CDC42SE2: variants seen among roughly 807,000 people sequenced by gnomAD.
The protein encoded by CDC42SE2 is CDC42 small effector 2.
Under a neutral mutation model 11.5 loss-of-function variants are expected in CDC42SE2, and 3 were observed. The observed-to-expected ratio is 0.26, with a 90% CI of 0.12 to 0.67. The LOEUF is 0.67. Among genes scored for constraint, CDC42SE2 ranks in the 30% least tolerant of loss-of-function variants. CDC42SE2 has a pLI of 0.80. For missense variants in CDC42SE2, 82 were observed against 106.8 expected (o/e 0.77, Z 1.02); for synonymous variants, 33 against 34.8 (o/e 0.95, Z 0.18).
At chr5:131,240,889 C>G (rs188263472), upstream of CDC42SE2, among the ~76,000 whole-genome samples, 80 of 152,286 alleles carry the variant, frequency 5.3e-4, no homozygotes, top group African/African-American at 1.9e-3. Context: ...ATCGATGATA[C>G]ATTTCTGGTG....
rs566675160 is a variant in CDC42SE2, at chr5:131,383,355, GTT to G, written c.55-2185_55-2184del. 4.1e-3 allele frequency among the ~76,000 whole-genome samples: 625 copies of G among 152,302 alleles called. 3 individuals are homozygous for G. Among genetic ancestry groups the G allele is most frequent in the African/African-American group, 0.013 (541 of 41,562 alleles). The stretch of plus-strand genomic sequence containing the variant: ...TTTATGATACCATTTTAACCTGCAA[GTT>G]TTATGATTCTGTGGAACAGGGCCCC... On this transcript the variant is annotated intron_variant, in intron 3 of 4. Coordinates refer to ENST00000505065, the MANE Select transcript of CDC42SE2 (RefSeq NM_001375635.1).
At chr5:131,367,694 C>T (rs1383576817) in intron 3 of CDC42SE2, among the ~76,000 whole-genome samples, 2 of 152,130 alleles carry the variant, frequency 1.3e-5, no homozygotes, top group Admixed American at 6.6e-5. Flanking sequence ...CTTATTTATT[C>T]ATAGACTTCC....
intron 3 of CDC42SE2, among the ~76,000 whole-genome samples, chr5:131,376,027 T>A (rs1750141572): frequency 1.3e-5 from 2 of 151,994 alleles, no homozygotes; most frequent in Admixed American, 1.3e-4. Context: ...TTAGTTGAGG[T>A]CAGGAGTTCG....
intron 2 of CDC42SE2, among the ~76,000 whole-genome samples, chr5:131,347,021 A>C (rs1019895649): frequency 2.0e-5 from 3 of 152,194 alleles, no homozygotes; most frequent in East Asian, 1.9e-4. Context: ...AATTTATAGC[A>C]CTAAATGCCC....
chr5:131,332,910 C>T (rs192777946), intron 2 of CDC42SE2, among the ~76,000 whole-genome samples: 3 of 152,094 alleles, frequency 2.0e-5, no homozygotes, highest in Non-Finnish European at 2.9e-5. Context: ...TTCTCCCATT[C>T]TGTAGGTTGC....
At chr5:131,378,917 C>CTGG (rs1750234353) in intron 3 of CDC42SE2, among the ~76,000 whole-genome samples, 1 of 152,184 alleles carries the variant, frequency 6.6e-6, no homozygotes, top group Admixed American at 6.5e-5. Context: ...TTATCTGAAG[C>CTGG]TGGTAGTTCA....
chr5:131,365,712 G>A (rs1749831622), intron 3 of CDC42SE2, among the ~76,000 whole-genome samples: 1 of 152,144 alleles, frequency 6.6e-6, no homozygotes, highest in African/African-American at 2.4e-5. Context: ...GCCTGGCGTG[G>A]TGGCTCACAC....
At position 131,382,607 on chromosome 5, in the gene CDC42SE2, C is replaced by G. The variant is rs534495943; in HGVS notation, c.55-2936C>G. Among the ~76,000 whole-genome samples, 8 of 152,248 alleles carry G rather than the reference C, an allele frequency of 5.3e-5. No homozygotes were observed. The Middle Eastern group carries it at 0.027, about 518-fold the overall frequency. On this transcript the variant is annotated intron_variant, in intron 3 of 4. Coordinates refer to ENST00000505065, the MANE Select transcript of CDC42SE2 (RefSeq NM_001375635.1). ...ACCAGGAAGTATTCTCTGGTACCACCTCCTCCCCTGCTTGAGAGAGCCAAG... is the reference window on the plus strand; with the variant it reads ...ACCAGGAAGTATTCTCTGGTACCACGTCCTCCCCTGCTTGAGAGAGCCAAG...
intron 2 of CDC42SE2, among the ~76,000 whole-genome samples, chr5:131,356,657 T>C (rs1309513987): frequency 6.6e-6 from 1 of 152,198 alleles, no homozygotes; most frequent in African/African-American, 2.4e-5. Context: ...CGGTGGCTCA[T>C]GTCTATAATG....
At position 131,367,048 on chromosome 5, in the gene CDC42SE2, T is replaced by C. The variant is rs149210959; in HGVS notation, c.54+7501T>C. Among the ~76,000 whole-genome samples, 626 of 151,258 alleles carry C rather than the reference T, an allele frequency of 4.1e-3. 4 individuals carry two copies. Among genetic ancestry groups the C allele is most frequent in the African/African-American group, 0.013 (542 of 41,332 alleles). ...TTTCAAAAAACAAATTTTTTATATA[T>C]ATATATAATTTTATATGCTTATATA... On this transcript the variant is annotated intron_variant, in intron 3 of 4. Transcript: ENST00000505065.
At chr5:131,337,183 A>G (rs1363444069) in intron 2 of CDC42SE2, among the ~76,000 whole-genome samples, 3 of 152,128 alleles carry the variant, frequency 2.0e-5, no homozygotes, top group Non-Finnish European at 2.9e-5. Flanking sequence ...TTTTCCTTCT[A>G]ACAGTCAGGA....
intron 1 of CDC42SE2, chr5:131,245,609 T>C (rs1356080865): frequency 6.6e-6 from 1 of 152,200 alleles, no homozygotes; most frequent in African/African-American, 2.4e-5. Context: ...GGTGAGTAAT[T>C]AATGTTATTC....
the CDC42SE2 span, among the ~76,000 whole-genome samples, chr5:131,221,751 C>A: frequency 6.6e-6 from 1 of 152,098 alleles, no homozygotes; most frequent in Non-Finnish European, 1.5e-5. Context: ...TTCTCCTCAA[C>A]AAACGATTTC....
intron 1 of CDC42SE2, among the ~76,000 whole-genome samples, chr5:131,275,752 C>T (rs1264514557): frequency 6.6e-6 from 1 of 151,768 alleles, no homozygotes; most frequent in Non-Finnish European, 1.5e-5. Flanking sequence ...TCGATGGTAT[C>T]CTGTGCATTT....
chr5:131,268,815 A>T (rs542310510), intron 1 of CDC42SE2, among the ~76,000 whole-genome samples: 1 of 126,722 alleles, frequency 7.9e-6, no homozygotes, highest in East Asian at 2.3e-4. Flanking sequence ...CAGTGGTCCC[A>T]TCTCGGCTTA....
At chr5:131,220,081 A>G in the CDC42SE2 span, among the ~76,000 whole-genome samples, 2 of 152,212 alleles carry the variant, frequency 1.3e-5, no homozygotes, top group Non-Finnish European at 2.9e-5. Flanking sequence ...GATTACTGAG[A>G]AACACTGAAT....
upstream of CDC42SE2, among the ~76,000 whole-genome samples, chr5:131,245,209 A>G (rs1321818826): frequency 6.6e-6 from 1 of 152,200 alleles, no homozygotes; most frequent in African/African-American, 2.4e-5. Flanking sequence ...CAGCTCTTAC[A>G]AGTGGTTATT....
intron 3 of CDC42SE2, among the ~76,000 whole-genome samples, chr5:131,382,968 T>C (rs1750367079): frequency 6.6e-6 from 1 of 152,222 alleles, no homozygotes; most frequent in Admixed American, 6.5e-5. Context: ...TTTTCCCTAC[T>C]TTATTCCTAA....
intron 1 of CDC42SE2, among the ~76,000 whole-genome samples, chr5:131,275,678 T>G (rs1757086556): frequency 6.6e-6 from 1 of 152,040 alleles, no homozygotes; most frequent in Non-Finnish European, 1.5e-5. Context: ...TTTCTTTTCT[T>G]TTCTTGCTAG....
Sources: gnomAD v4.1 joint callset for allele counts (sites outside exome capture counted in the v4.1 genomes callset) on GRCh38, gnomAD v4.1.1 for gene constraint, MANE v1.5 for transcripts, NCBI Gene and HGNC (gene_info 2026-07-23, HGNC 2026-07-21) for gene names.